Variants in GRM1 observed in about 807,000 individuals in gnomAD.
GRM1 encodes glutamate metabotropic receptor 1, also known as metabotropic glutamate receptor 1.
GRM1 carries 33 observed loss-of-function variants against 90.9 expected under a neutral mutation model. The observed-to-expected ratio is 0.36, with a 90% CI of 0.28 to 0.49. The LOEUF is 0.49. Ranked by LOEUF, GRM1 falls within the 20% of genes least tolerant of loss-of-function variation. The pLI, the probability that GRM1 is intolerant of heterozygous loss-of-function variation, is 0.99. For missense variants in GRM1, 1,190 were observed against 1,534.3 expected (o/e 0.78, Z 3.75); for synonymous variants, 700 against 613.2 (o/e 1.14, Z -2.09).
chr6:146,291,748 T>A (rs934817888), intron 2 of GRM1, among the ~76,000 whole-genome samples: 1 of 152,028 alleles, frequency 6.6e-6, no homozygotes, highest in Non-Finnish European at 1.5e-5. Context: ...TCTAAACAAA[T>A]CTGTAAGTTT....
rs1776773068 is a variant in GRM1 at position 146,093,352 on chromosome 6, G to T, written c.700+63135G>T. Among the ~76,000 whole-genome samples, 3 of 152,104 alleles carry T rather than the reference G, an allele frequency of 2.0e-5. No individual in the cohort carries two copies. In the South Asian group the frequency reaches 6.2e-4, roughly 32 times the overall value. ...TCTTGTTTCCACCTTTGCTGTCTTG[G>T]CTGTGCATGCAGTTAATTCAGAGAT... On this transcript the variant is annotated intron_variant, in intron 1 of 7. Coordinates refer to ENST00000282753, the MANE Select transcript of GRM1 (RefSeq NM_001278064.2).
rs1270299858 is a variant in GRM1 at position 146,301,438 on chromosome 6, C to G, written c.951-3173C>G. Among the ~76,000 whole-genome samples, 5 of 152,202 alleles carry G rather than the reference C, an allele frequency of 3.3e-5. 1 individual carries two copies. Among genetic ancestry groups the G allele is most frequent in the Admixed American group, 3.3e-4 (5 of 15,280 alleles). On this transcript the variant is annotated intron_variant, in intron 2 of 7. Transcript: ENST00000282753. ...CTCTCCTTCTAGAATTGACACAAAG[C>G]ATTTGCCTTTACAAACTAAGCTGTC...
At chr6:146,254,852 T>C (rs1485390256) in intron 2 of GRM1, among the ~76,000 whole-genome samples, 1 of 152,106 alleles carries the variant, frequency 6.6e-6, no homozygotes, top group East Asian at 1.9e-4. Flanking sequence ...CCTCCCACTC[T>C]CCCATGAAAT....
At chr6:146,332,014 C>A (rs1784605163) in intron 3 of GRM1, among the ~76,000 whole-genome samples, 1 of 152,070 alleles carries the variant, frequency 6.6e-6, no homozygotes, top group South Asian at 2.1e-4. Flanking sequence ...TATGAGCACT[C>A]TTTATTTCTT....
chr6:146,188,132 A>C (rs1778801556), intron 2 of GRM1, among the ~76,000 whole-genome samples: 1 of 152,164 alleles, frequency 6.6e-6, no homozygotes, highest in African/African-American at 2.4e-5. Context: ...ATTAATGGGA[A>C]TCTCAAAAAC....
intron 6 of GRM1, among the ~76,000 whole-genome samples, chr6:146,392,358 T>C (rs1013098684): frequency 1.3e-5 from 2 of 152,124 alleles, no homozygotes; most frequent in Admixed American, 6.6e-5. Context: ...CTTGGTCCCT[T>C]GGTGTTGACA....
intron 4 of GRM1, among the ~76,000 whole-genome samples, 195 bp from the exon 5 acceptor site, chr6:146,357,331 A>G (rs1232054639): frequency 6.6e-6 from 1 of 152,242 alleles, no homozygotes; most frequent in Non-Finnish European, 1.5e-5. Flanking sequence ...TGGATGATAC[A>G]CAGAGATTGA....
At chr6:146,107,781 A>C (rs1011765502) in intron 1 of GRM1, among the ~76,000 whole-genome samples, 2 of 152,152 alleles carry the variant, frequency 1.3e-5, no homozygotes, top group Admixed American at 6.5e-5. Flanking sequence ...TTTTCCTAAA[A>C]AGACTTGGGA....
chr6:146,063,031 A>G (rs1428679500), intron 1 of GRM1, among the ~76,000 whole-genome samples: 1 of 152,122 alleles, frequency 6.6e-6, no homozygotes, highest in Admixed American at 6.6e-5. Context: ...AGTGAGGCTA[A>G]GTCCAATCGG....
chr6:146,267,107 CAGCTCCTACTTATA>C (rs1213511457), intron 2 of GRM1, among the ~76,000 whole-genome samples: 2 of 152,164 alleles, frequency 1.3e-5, no homozygotes, highest in Non-Finnish European at 2.9e-5. Flanking sequence ...TTTTATCACT[CAGCTCCTACTTATA>C]AGTGAGAACA....
intron 2 of GRM1, among the ~76,000 whole-genome samples, chr6:146,209,185 T>G (rs1379379118): frequency 6.6e-6 from 1 of 152,108 alleles, no homozygotes; most frequent in Admixed American, 6.6e-5. Flanking sequence ...TAGATCCAAA[T>G]CCTATGCTCT....
intron 1 of GRM1, among the ~76,000 whole-genome samples, chr6:146,139,391 T>A (rs1175724193): frequency 6.6e-6 from 1 of 152,208 alleles, no homozygotes; most frequent in African/African-American, 2.4e-5. Context: ...GGATGATCTG[T>A]CCAATGCTGA....
At chr6:146,248,430 G>A (rs548237552) in intron 2 of GRM1, among the ~76,000 whole-genome samples, 15 of 152,252 alleles carry the variant, frequency 9.9e-5, no homozygotes, top group South Asian at 2.1e-4. Flanking sequence ...TGCTGTTCTC[G>A]TGATAGTGAG....
chr6:146,039,215 A>G (rs958828820), intron 1 of GRM1, among the ~76,000 whole-genome samples: 1 of 152,020 alleles, frequency 6.6e-6, no homozygotes, highest in African/African-American at 2.4e-5. Context: ...AACAGAGAGA[A>G]CTGTGATTAG....
At chr6:146,202,966 C>A (rs571945648) in intron 2 of GRM1, among the ~76,000 whole-genome samples, 2 of 151,952 alleles carry the variant, frequency 1.3e-5, no homozygotes, top group South Asian at 4.2e-4. Flanking sequence ...GAGGCCAAGG[C>A]GGGCGGATCA....
intron 2 of GRM1, among the ~76,000 whole-genome samples, chr6:146,257,513 T>C (rs1262923590): frequency 7.1e-6 from 1 of 141,176 alleles, no homozygotes; most frequent in East Asian, 1.9e-4. Context: ...GTGTAATATG[T>C]GTGTATATAT....
chr6:146,076,821 T>C (rs2128861254), intron 1 of GRM1, among the ~76,000 whole-genome samples: 1 of 152,298 alleles, frequency 6.6e-6, no homozygotes, highest in South Asian at 2.1e-4. Flanking sequence ...GACCAGTGAC[T>C]CTCTGGGTCA....
At chr6:146,206,793 T>C (rs998968560) in intron 2 of GRM1, among the ~76,000 whole-genome samples, 1 of 152,106 alleles carries the variant, frequency 6.6e-6, no homozygotes, top group Admixed American at 6.6e-5. Flanking sequence ...TCTGCTCCTC[T>C]CTCTTCTCTC....
Position 146,398,960 on chromosome 6 carries a change from G to T in GRM1, c.1921G>T (p.Gly641Cys). 6.2e-7 allele frequency: 1 copy of T among 1,614,014 alleles called. No individual in the cohort carries two copies. The highest frequency in any genetic ancestry group is 8.5e-7 in the Non-Finnish European group (1 of 1,179,980). The stretch of plus-strand genomic sequence containing the variant: ...CATCATCCTAGCTGGCATCTTCCTT[G>T]GTTATGTGTGCCCATTCACTCTCAT... ...CYIILAGIFL[G>C]YVCPFTLIAK... The change falls in exon 7 of 8, where the codon GGT becomes TGT. Residue 641 changes from glycine (G) to cysteine (C), a missense_variant. Physicochemically the swap from Gly to Cys is radical, Grantham distance 159 (BLOSUM62 -3). This residue lies in a region of GRM1 where 414 missense variants were observed against 598.4 expected (regional missense o/e 0.69). Coordinates refer to ENST00000282753, the MANE Select transcript of GRM1 (RefSeq NM_001278064.2).
Sources: allele counts gnomAD v4.1 joint callset (sites outside exome capture counted in the v4.1 genomes callset), GRCh38; gene constraint gnomAD v4.1.1; regional missense constraint gnomAD v4.1.1; transcripts MANE v1.5; gene names NCBI Gene and HGNC (gene_info 2026-07-23, HGNC 2026-07-21).